JKAMP: variants seen among roughly 807,000 people sequenced by gnomAD.
JKAMP encodes the protein JNK1/MAPK8 associated membrane protein, also known as JNK1/MAPK8-associated membrane protein.
In JKAMP, 20 loss-of-function variants were observed where a neutral mutation model predicts 40.2. The ratio of observed to expected loss-of-function variants is 0.50; its 90% confidence interval spans 0.35 to 0.72. JKAMP has a LOEUF of 0.72. JKAMP is among the 30% of genes least tolerant of loss of function. The pLI is 0.01. For synonymous variants in JKAMP, 138 were observed against 131.6 expected (o/e 1.05, Z -0.33); for missense variants, 276 against 373.0 (o/e 0.74, Z 2.14).
intron 6 of JKAMP, among the ~76,000 whole-genome samples, chr14:59,503,621 G>C (rs1261998190): frequency 6.6e-6 from 1 of 152,176 alleles, no homozygotes; most frequent in Non-Finnish European, 1.5e-5. Context: ...TGATGACGTA[G>C]CTTTCGTCTG....
intron 1 of JKAMP, among the ~76,000 whole-genome samples, chr14:59,486,180 A>T (rs1236032639): frequency 6.6e-6 from 1 of 152,210 alleles, no homozygotes; most frequent in African/African-American, 2.4e-5. Flanking sequence ...AAAAGCTAGG[A>T]CAATGTAGGA....
chr14:59,488,836 C>T (rs921477231), intron 3 of JKAMP, among the ~76,000 whole-genome samples: 5 of 152,202 alleles, frequency 3.3e-5, no homozygotes, highest in Non-Finnish European at 5.9e-5. Flanking sequence ...TCTTTTCCTT[C>T]TGATTTCAGT....
chr14:59,500,449 G>C (rs1261169507), intron 5 of JKAMP, among the ~76,000 whole-genome samples: 1 of 152,108 alleles, frequency 6.6e-6, no homozygotes, highest in Non-Finnish European at 1.5e-5. Context: ...CATTTTAAGA[G>C]AAAAGTGGTG....
intron 4 of JKAMP, among the ~76,000 whole-genome samples, chr14:59,496,009 T>G (rs1213630074): frequency 6.6e-6 from 1 of 152,230 alleles, no homozygotes; most frequent in African/African-American, 2.4e-5. Flanking sequence ...GTTCAAGTGA[T>G]TCTTGTGCCT....
chr14:59,498,795 T>G lies in JKAMP; in HGVS notation c.527T>G (p.Val176Gly), dbSNP rs200376731. ...VLMMLLRPLL[V>G]KKIACGLGKS... is the part of the protein sequence containing the mutation. ...ATGATGCTGCTCCGACCTCTTCTGG[T>G]GAAGAAGATTGCATGTGGGTTAGGG... Residue 176 changes from valine (V) to glycine (G), a missense_variant, in exon 5 of 7, where the codon GTG becomes GGG. Transcript: ENST00000616435. The G allele has an allele frequency of 2.5e-6, 4 of 1,604,630 alleles. No homozygotes were observed. In the South Asian group the frequency reaches 4.4e-5, roughly 18 times the overall value.
chr14:59,492,946 T>C (rs1007273285), intron 3 of JKAMP, among the ~76,000 whole-genome samples: 25 of 151,932 alleles, frequency 1.6e-4, no homozygotes, highest in South Asian at 1.0e-3. Context: ...TACAGGCGCC[T>C]GCCACCACGC....
At chr14:59,491,299 T>G (rs1334680594) in intron 3 of JKAMP, among the ~76,000 whole-genome samples, 1 of 152,148 alleles carries the variant, frequency 6.6e-6, no homozygotes, top group Non-Finnish European at 1.5e-5. Flanking sequence ...AAGACGATGC[T>G]GGTGGGGGTA....
rs12889139 is a variant in JKAMP, at chr14:59,502,766, T to G, written c.718-1088T>G. On this transcript the variant is annotated intron_variant, in intron 6 of 6. Coordinates refer to ENST00000616435, the MANE Select transcript of JKAMP (RefSeq NM_016475.5). ...TAAAATGAGATTTTTTTTTTTTTTT[T>G]TTTTTTTCGGAGTCTCACTCTGTCG... is the stretch of plus-strand genomic sequence containing the variant. Among the ~76,000 whole-genome samples, 6 of 2,818 alleles carry G rather than the reference T, an allele frequency of 2.1e-3. No individual in the cohort carries two copies. In the Non-Finnish European group the frequency reaches 0.023, roughly 11 times the overall value. The allele number at this position is 2,818 out of a possible 152,430, so 1.8% of individuals were successfully genotyped here.
intron 3 of JKAMP, among the ~76,000 whole-genome samples, chr14:59,491,872 G>A (rs1891040537): frequency 6.6e-6 from 1 of 152,218 alleles, no homozygotes. Flanking sequence ...GCTAAGACTA[G>A]ACCCTCAAGG....
Position 59,504,099 on chromosome 14 carries a change from C to A in JKAMP, c.*27C>A. 7.4e-7 allele frequency: 1 copy of A among 1,352,848 alleles called. No homozygotes were observed. The highest frequency in any genetic ancestry group is 1.1e-6 in the Non-Finnish European group (1 of 944,496). The allele number at this position is 1,352,848 out of a possible 1,614,324, so 83.8% of individuals were successfully genotyped here. On this transcript the variant is annotated 3_prime_UTR_variant, in exon 7 of 7. Coordinates refer to ENST00000616435, the MANE Select transcript of JKAMP (RefSeq NM_016475.5). ...TGTAGACATGTGAAATGCCAAAAACCTGAGAAGTGCTCCTAATAAAAAAGT... is the reference window on the plus strand; with the variant it reads ...TGTAGACATGTGAAATGCCAAAAACATGAGAAGTGCTCCTAATAAAAAAGT...
Position 59,484,582 on chromosome 14 carries a change from G to T in JKAMP, c.-8G>T. On this transcript the variant is annotated 5_prime_UTR_variant, in exon 1 of 7. The change creates a new upstream start codon in the 5' untranslated region. Transcript: ENST00000616435. ...TAGTGCTTCTCGAAAAAAACCTTCA[G>T]GCGGCCCATGGGTGAGTGGTCGCCA... The T allele has an allele frequency of 1.3e-6, 2 of 1,576,376 alleles. No individual in the cohort carries two copies. Among genetic ancestry groups the T allele is most frequent in the East Asian group, 2.3e-5 (1 of 42,708 alleles).
In JKAMP at chr14:59,505,112, G is replaced by A. The variant is rs1892255726; in HGVS notation, c.*1040G>A. ...GTTTATTTACTGATACTTGGTGGAG[G>A]TTGTGTGAATTAGTTAAATTTTAAA... On this transcript the variant is annotated 3_prime_UTR_variant, in exon 7 of 7. Transcript: ENST00000616435. 1 of 453,750 alleles carries A rather than the reference G, an allele frequency of 2.2e-6. No homozygotes were observed. The highest frequency in any genetic ancestry group is 3.9e-6 in the Non-Finnish European group (1 of 255,260). The allele number at this position is 453,750 out of a possible 1,614,324, so 28.1% of individuals were successfully genotyped here.
Position 59,498,738 on chromosome 14 carries a change from T to C in JKAMP, c.470T>C (p.Val157Ala), listed in dbSNP as rs373659164. ...HEAVYPLYTIVFIYYAFCLVL... is the reference protein window; with the variant it reads ...HEAVYPLYTIAFIYYAFCLVL... ...ATTTTATTTTACAGATATACCATTGTATTTATCTATTACGCATTCTGCTTG... is the reference window on the plus strand; with the variant it reads ...ATTTTATTTTACAGATATACCATTGCATTTATCTATTACGCATTCTGCTTG... Residue 157 changes from valine (V) to alanine (A), a missense_variant, in exon 5 of 7, where the codon GTA becomes GCA. Val to Ala is a moderately conservative substitution (Grantham distance 64). Coordinates refer to ENST00000616435, the MANE Select transcript of JKAMP (RefSeq NM_016475.5). The C allele has an allele frequency of 5.9e-6, 9 of 1,520,594 alleles. No homozygotes were observed. The highest frequency in any genetic ancestry group is 8.1e-6 in the Non-Finnish European group (9 of 1,108,170). The allele number at this position is 1,520,594 out of a possible 1,614,324, so 94.2% of individuals were successfully genotyped here.
intron 1 of JKAMP, among the ~76,000 whole-genome samples, chr14:59,486,381 A>G (rs1263960184): frequency 6.6e-6 from 1 of 152,212 alleles, no homozygotes; most frequent in African/African-American, 2.4e-5. Context: ...ATTTAAAAAT[A>G]TATGTATATT....
Position 59,504,831 on chromosome 14 carries a change from T to C in JKAMP, c.*759T>C, listed in dbSNP as rs1892227331. On this transcript the variant is annotated 3_prime_UTR_variant, in exon 7 of 7. Coordinates refer to ENST00000616435, the MANE Select transcript of JKAMP (RefSeq NM_016475.5). Reference sequence around the variant, plus strand: ...ATACCATATTTTATTGATCCAGAGATACTTATTTCACTTTGTGACATCTCT... The same window carrying C: ...ATACCATATTTTATTGATCCAGAGACACTTATTTCACTTTGTGACATCTCT... The C allele has an allele frequency of 6.5e-6, 1 of 154,238 alleles. No individual in the cohort carries two copies. Among genetic ancestry groups the C allele is most frequent in the African/African-American group, 2.4e-5 (1 of 41,492 alleles). The allele number at this position is 154,238 out of a possible 1,614,324, so 9.6% of individuals were successfully genotyped here.
At position 59,498,894 on chromosome 14, in the gene JKAMP, G is replaced by C; in HGVS notation, c.626G>C (p.Gly209Ala). The change falls in exon 5 of 7, where the codon GGT (glycine) becomes GCT (alanine). Residue 209 changes from glycine (G) to alanine (A), a missense_variant. Gly to Ala is a moderately conservative substitution (Grantham distance 60). Coordinates refer to ENST00000616435, the MANE Select transcript of JKAMP (RefSeq NM_016475.5). Reference protein sequence around the residue: ...FPILTVLQAVGGGLLYYAFPY... With the variant: ...FPILTVLQAVAGGLLYYAFPY... ...ATTTTAACCGTGCTTCAGGCAGTTG[G>C]TGGAGGCCTTTTATGTAAGTTTGAT... 3 of 1,604,636 alleles carry C rather than the reference G, an allele frequency of 1.9e-6. No homozygotes were observed. The South Asian group carries it at 3.4e-5, about 18-fold the overall frequency.
In JKAMP at chr14:59,487,835, A is replaced by C; in HGVS notation, c.251+7A>C. 7 of 1,612,452 alleles carry C rather than the reference A, an allele frequency of 4.3e-6. No homozygotes were observed. The highest frequency in any genetic ancestry group is 5.9e-6 in the Non-Finnish European group (7 of 1,178,612). On this transcript the variant is annotated splice_region_variant and intron_variant, in intron 3 of 6. Coordinates refer to ENST00000616435, the MANE Select transcript of JKAMP (RefSeq NM_016475.5). ...GGTACTCGGGGAAAAAGAGGTTAGCACATTTCTATGAACATATCTGGCTGG... is the reference window on the plus strand; with the variant it reads ...GGTACTCGGGGAAAAAGAGGTTAGCCCATTTCTATGAACATATCTGGCTGG...
At chr14:59,500,531 T>C (rs1386078115) in intron 5 of JKAMP, among the ~76,000 whole-genome samples, 2 of 152,234 alleles carry the variant, frequency 1.3e-5, no homozygotes, top group African/African-American at 4.8e-5. Context: ...AATTTTGATA[T>C]TAAGAATACT....
chr14:59,488,363 A>T (rs1459347609), intron 3 of JKAMP, among the ~76,000 whole-genome samples: 6 of 152,176 alleles, frequency 3.9e-5, no homozygotes, highest in Non-Finnish European at 8.8e-5. Flanking sequence ...CATAATTATA[A>T]ATCAGTCTTA....
Sources: allele counts gnomAD v4.1 joint callset (sites outside exome capture counted in the v4.1 genomes callset), GRCh38; gene constraint gnomAD v4.1.1; transcripts MANE v1.5; gene names NCBI Gene and HGNC (gene_info 2026-07-23, HGNC 2026-07-21).